SBNO2: variants seen among roughly 807,000 people sequenced by gnomAD.
SBNO2 encodes protein strawberry notch homolog 2.
In SBNO2, 89 loss-of-function variants were observed where a neutral mutation model predicts 146.3. That is an observed-to-expected ratio of 0.61 (90% CI 0.51 to 0.73). SBNO2 has a LOEUF of 0.73. SBNO2 is among the 30% of genes least tolerant of loss of function. The pLI is 0.00. For synonymous variants in SBNO2, 1,147 were observed against 892.6 expected, an observed-to-expected ratio of 1.29 and a Z score of -5.08; for missense variants, 2,092 against 2,003.7, an observed-to-expected ratio of 1.04 and a Z score of -0.84.
intron 14 of SBNO2, among the ~76,000 whole-genome samples, chr19:1,118,735 G>T (rs915428101): frequency 6.6e-6 from 1 of 152,202 alleles, no homozygotes; most frequent in African/African-American, 2.4e-5. Context: ...AGCTGGGTGT[G>T]GAGGCGGGCA....
rs2079754669 is a variant in SBNO2 at position 1,111,162 on chromosome 19, T to C, written c.2810-69A>G. 6.7e-6 allele frequency: 10 copies of C among 1,485,476 alleles called. No individual in the cohort carries two copies. In the East Asian group the frequency reaches 2.5e-4, roughly 37 times the overall value. The allele number at this position is 1,485,476 out of a possible 1,614,324, so 92.0% of individuals were successfully genotyped here. A position where few individuals can be genotyped will look rare whatever the true frequency, so the allele number is the denominator to read the frequency against. ...CCCTCCCTCGAAGCCCCTAGCTCCT[T>C]TTCCAGAGACCAGCAGCTCCCTGGG... is the stretch of plus-strand genomic sequence containing the variant. On this transcript the variant is annotated intron_variant, in intron 24 of 31. Transcript: ENST00000361757.
rs754640796 is a variant in SBNO2, at chr19:1,108,281, G to A, written c.4040C>T (p.Pro1347Leu). ...GAACTGGATCACGCTCTGCCGCTCG[G>A]GACCACCGCCCGCCGCGCCCCCCGC... ...AGAGGAAGGG[P>L]ERQSVIQFSP... Residue 1347 changes from proline (P) to leucine (L), a missense_variant, in exon 32 of 32, where the codon CCC becomes CTC. Transcript: ENST00000361757. 1.1e-5 allele frequency: 17 copies of A among 1,509,622 alleles called. No homozygotes were observed. In the South Asian group the frequency reaches 1.7e-4, roughly 15 times the overall value. The allele number at this position is 1,509,622 out of a possible 1,614,324, so 93.5% of individuals were successfully genotyped here.
chr19:1,113,903 T>G (rs2079799064), intron 18 of SBNO2, among the ~76,000 whole-genome samples, 199 bp from the exon 19 acceptor site: 2 of 152,174 alleles, frequency 1.3e-5, no homozygotes, highest in South Asian at 4.1e-4. Context: ...GGGGCGAGAC[T>G]AAGCCTCCTG....
intron 4 of SBNO2, among the ~76,000 whole-genome samples, chr19:1,141,064 G>A (rs796885464): frequency 2.3e-5 from 3 of 133,268 alleles, no homozygotes; most frequent in South Asian, 4.9e-4. Flanking sequence ...CCGGAGAAGA[G>A]GCGCCCCGGA....
At chr19:1,149,941 C>T (rs1418596314) in intron 2 of SBNO2, among the ~76,000 whole-genome samples, 2 of 152,196 alleles carry the variant, frequency 1.3e-5, no homozygotes, top group Non-Finnish European at 2.9e-5. Context: ...CCAGGCCCCT[C>T]GGACAAGCTG....
intron 2 of SBNO2, among the ~76,000 whole-genome samples, chr19:1,153,238 A>AT (rs369226371): frequency 1.5e-4 from 22 of 148,352 alleles, no homozygotes; most frequent in African/African-American, 2.2e-4. Flanking sequence ...TAATTTAAAA[A>AT]TTTTTTTTTT....
In SBNO2 at chr19:1,136,033, C is replaced by T. The variant is rs1224957471; in HGVS notation, c.280-8268G>A. Among the ~76,000 whole-genome samples, 2 of 151,998 alleles carry T rather than the reference C, an allele frequency of 1.3e-5. No homozygotes were observed. Among genetic ancestry groups the T allele is most frequent in the Non-Finnish European group, 1.5e-5 (1 of 67,972 alleles). ...TGTGAGTGGTTAAAAAAAAAAAGGC[C>T]GCACTGGCCGAGCGGGTGTTCTGTG... On this transcript the variant is annotated intron_variant, in intron 4 of 31. Coordinates refer to ENST00000361757, the MANE Select transcript of SBNO2 (RefSeq NM_014963.3). This position sits in a 1 kb window ranked among gnomAD's most constrained non-coding sequence, Gnocchi z 4.2.
At chr19:1,151,067 G>C (rs532408166) in intron 2 of SBNO2, among the ~76,000 whole-genome samples, 1 of 152,376 alleles carries the variant, frequency 6.6e-6, no homozygotes, top group South Asian at 2.1e-4. Context: ...TCCAGAGCCC[G>C]GGTCTCCTGA....
At position 1,140,203 on chromosome 19, in the gene SBNO2, G is replaced by A. The variant is rs1432954484; in HGVS notation, c.279+7106C>T. On this transcript the variant is annotated intron_variant, in intron 4 of 31. Transcript: ENST00000361757. The surrounding 1 kb of genome is among the most constrained non-coding windows in gnomAD (Gnocchi z 4.4). ...TAGTCCCAGCTACTCGGGAGGCTGA[G>A]GCGGGAGAATGGCATGAACCCAGGA... 6.6e-6 allele frequency among the ~76,000 whole-genome samples: 1 copy of A among 152,050 alleles called. No homozygotes were observed. Among genetic ancestry groups the A allele is most frequent in the African/African-American group, 2.4e-5 (1 of 41,412 alleles).
At chr19:1,145,440 T>G (rs906872197) in intron 4 of SBNO2, among the ~76,000 whole-genome samples, 2 of 139,834 alleles carry the variant, frequency 1.4e-5, no homozygotes, top group African/African-American at 5.5e-5. Context: ...GCCATTGCAC[T>G]CCAGCCTGAG....
rs544696838 is a variant in SBNO2 at position 1,150,794 on chromosome 19, C to A, written c.94-1352G>T. Among the ~76,000 whole-genome samples, 1 of 152,334 alleles carries A rather than the reference C, an allele frequency of 6.6e-6. No homozygotes were observed. Among genetic ancestry groups the A allele is most frequent in the Admixed American group, 6.5e-5 (1 of 15,302 alleles). ...TCACCTCACACTGGCTGGGAACCAG[C>A]CCGGATGGCCGGGGGCCACTTTCTG... is the stretch of plus-strand genomic sequence containing the variant. On this transcript the variant is annotated intron_variant, in intron 2 of 31. Coordinates refer to ENST00000361757, the MANE Select transcript of SBNO2 (RefSeq NM_014963.3). This position sits in a 1 kb window ranked among gnomAD's most constrained non-coding sequence, Gnocchi z 6.2.
At position 1,110,886 on chromosome 19, in the gene SBNO2, A is replaced by C; in HGVS notation, c.2887T>G (p.Cys963Gly). The C allele has an allele frequency of 1.2e-6, 2 of 1,613,578 alleles. No homozygotes were observed. Among genetic ancestry groups the C allele is most frequent in the Non-Finnish European group, 1.7e-6 (2 of 1,179,642 alleles). The change falls in exon 26 of 32, where the codon TGT becomes GGT. Residue 963 changes from cysteine (C) to glycine (G), a missense_variant and splice_region_variant. Coordinates refer to ENST00000361757, the MANE Select transcript of SBNO2 (RefSeq NM_014963.3). The surrounding 1 kb of genome is among the most constrained non-coding windows in gnomAD (Gnocchi z 4.9). ...RNGCLDVEKD[C>G]SITKFLNRIL... Reference sequence around the variant, plus strand: ...CGGTTCAGGAACTTGGTGATGGAACAGTCTGGTAGGGGAGGGAGCCAAGCC... The same window carrying C: ...CGGTTCAGGAACTTGGTGATGGAACCGTCTGGTAGGGGAGGGAGCCAAGCC...
rs556878661 is a variant in SBNO2, at chr19:1,140,588, C to T, written c.279+6721G>A. Among the ~76,000 whole-genome samples, 33 of 150,312 alleles carry T rather than the reference C, an allele frequency of 2.2e-4. No homozygotes were observed. The highest frequency in any genetic ancestry group is 2.5e-4 in the Non-Finnish European group (17 of 67,518). The stretch of plus-strand genomic sequence containing the variant: ...TGCCAGCAGCGGCATCCTGGCGCAG[C>T]GTGAGCCCCAGGGGTGGGGGTGGGG... On this transcript the variant is annotated intron_variant, in intron 4 of 31. Transcript: ENST00000361757. This position sits in a 1 kb window ranked among gnomAD's most constrained non-coding sequence, Gnocchi z 4.4.
At chr19:1,162,459 C>CA (rs71335341) in intron 1 of SBNO2, among the ~76,000 whole-genome samples, 37,486 of 133,964 alleles carry the variant, frequency 0.28, 5,749 homozygotes, top group East Asian at 0.47. Flanking sequence ...GACTCCGTCT[C>CA]AAAAAAAAAA....
chr19:1,150,016 T>G lies in SBNO2; in HGVS notation c.94-574A>C, dbSNP rs529576984. The stretch of plus-strand genomic sequence containing the variant: ...TGACTTCTCAGAAGCTGCACGGGGC[T>G]GGGGTGCGGGGAGCCTGCTTTGGGA... On this transcript the variant is annotated intron_variant, in intron 2 of 31. Transcript: ENST00000361757. This position sits in a 1 kb window ranked among gnomAD's most constrained non-coding sequence, Gnocchi z 6.2. Among the ~76,000 whole-genome samples the G allele has an allele frequency of 1.3e-5, 2 of 152,162 alleles. No individual in the cohort carries two copies. Among genetic ancestry groups the G allele is most frequent in the African/African-American group, 4.8e-5 (2 of 41,494 alleles).
In SBNO2 at chr19:1,112,420, G is replaced by T; in HGVS notation, c.2497C>A (p.Arg833Ser). Reference protein sequence around the residue: ...MTLELPWSADRAIQQFGRTHR... With the variant: ...MTLELPWSADSAIQQFGRTHR... ...GACTCACCGAACTGCTGGATGGCGCGGTCGGCGCTCCACGGCAGCTCCAAG... is the reference window on the plus strand; with the variant it reads ...GACTCACCGAACTGCTGGATGGCGCTGTCGGCGCTCCACGGCAGCTCCAAG... Residue 833 changes from arginine (R) to serine (S), a missense_variant, in exon 21 of 32, where the codon CGC becomes AGC. By Grantham distance (110) the Arg-to-Ser change is moderately radical. Transcript: ENST00000361757. The surrounding 1 kb of genome is among the most constrained non-coding windows in gnomAD (Gnocchi z 5.9). The T allele has an allele frequency of 1.2e-6, 2 of 1,604,758 alleles. No homozygotes were observed. Among genetic ancestry groups the T allele is most frequent in the East Asian group, 2.2e-5 (1 of 44,688 alleles).
At chr19:1,170,763 GAC>G (rs2080469815) in intron 1 of SBNO2, among the ~76,000 whole-genome samples, 1 of 151,914 alleles carries the variant, frequency 6.6e-6, no homozygotes, top group Non-Finnish European at 1.5e-5. Flanking sequence ...GTGCATAACG[GAC>G]ACAGGTGCAC....
intron 10 of SBNO2, 29 bp downstream of exon 10, chr19:1,122,439 C>T (rs777655410): frequency 1.9e-6 from 3 of 1,555,160 alleles, no homozygotes; most frequent in South Asian, 1.2e-5. Flanking sequence ...CCCCACCTTG[C>T]CCCCTACTTT....
intron 1 of SBNO2, among the ~76,000 whole-genome samples, chr19:1,156,211 G>C (rs988684655): frequency 6.6e-6 from 1 of 152,124 alleles, no homozygotes; most frequent in Non-Finnish European, 1.5e-5. Context: ...TACGGTCTCT[G>C]AGCCCCCCAC....
Sources: gnomAD v4.1 joint callset for allele counts (sites outside exome capture counted in the v4.1 genomes callset) on GRCh38, gnomAD v4.1.1 for gene constraint, Gnocchi (gnomAD v3.1) non-coding constraint, MANE v1.5 for transcripts, NCBI Gene and HGNC (gene_info 2026-07-23, HGNC 2026-07-21) for gene names.